Variants in DNAJC1 observed in about 807,000 individuals in gnomAD.
DNAJC1 encodes the protein DnaJ heat shock protein family (Hsp40) member C1, also known as dnaJ homolog subfamily C member 1.
In DNAJC1, 58 loss-of-function variants were observed where a neutral mutation model predicts 76.6. That is an observed-to-expected ratio of 0.76 (90% CI 0.61 to 0.94). DNAJC1 has a LOEUF of 0.94. Among genes scored for constraint, DNAJC1 ranks in the 40% least tolerant of loss-of-function variants. The pLI is 0.00. For synonymous variants in DNAJC1, 258 were observed against 267.9 expected (o/e 0.96, Z 0.36); for missense variants, 689 against 677.3 (o/e 1.02, Z -0.19).
intron 8 of DNAJC1, among the ~76,000 whole-genome samples, chr10:21,821,855 A>G (rs1835164526): frequency 6.6e-6 from 1 of 151,908 alleles, no homozygotes; most frequent in Admixed American, 6.6e-5. Flanking sequence ...AAAAAAAAAA[A>G]ACAACTGAGA....
At chr10:21,972,640 C>T (rs985370018) in intron 1 of DNAJC1, among the ~76,000 whole-genome samples, 4 of 152,022 alleles carry the variant, frequency 2.6e-5, no homozygotes, top group African/African-American at 7.2e-5. Context: ...GTTGTTAAAT[C>T]GGTCCTATAA....
At chr10:21,928,416 A>G in intron 3 of DNAJC1, 90 bp downstream of exon 3, 1 of 1,147,962 alleles carries the variant, frequency 8.7e-7, no homozygotes. Flanking sequence ...ATGCTAACAT[A>G]ATAATAAAAT....
chr10:21,825,502 T>C (rs1301032867), intron 8 of DNAJC1, among the ~76,000 whole-genome samples: 4 of 152,330 alleles, frequency 2.6e-5, no homozygotes, highest in Admixed American at 2.6e-4. Context: ...GCTGTAAGTG[T>C]TATTTGTTTA....
chr10:21,759,560 C>T lies in DNAJC1; in HGVS notation c.1206G>A (p.Thr402=), dbSNP rs538885458. 1.1e-5 allele frequency: 17 copies of T among 1,614,136 alleles called. No individual in the cohort carries two copies. In the East Asian group the frequency reaches 1.1e-4, roughly 11 times the overall value. Residue 402 remains threonine (T), a synonymous_variant, in exon 11 of 12, where the codon ACG becomes ACA. Transcript: ENST00000376980. ...STVQNSRPIK[T]ATTLPDDMIT... is the part of the protein sequence containing the mutation. ...TCATGTCATCGGGCAAGGTGGTGGC[C>T]GTTTTGATGGGCCTGGAATTCTGAA...
chr10:21,855,079 G>A (rs1835813544), intron 8 of DNAJC1, among the ~76,000 whole-genome samples: 1 of 151,916 alleles, frequency 6.6e-6, no homozygotes, highest in African/African-American at 2.4e-5. Context: ...GACTTTTTTT[G>A]TATTGCATTG....
chr10:21,936,495 AAAT>A (rs1368137559), intron 1 of DNAJC1, among the ~76,000 whole-genome samples: 1 of 152,258 alleles, frequency 6.6e-6, no homozygotes, highest in Non-Finnish European at 1.5e-5. Context: ...TGTCATAAAC[AAAT>A]AATATAAATC....
At chr10:21,990,775 G>C (rs1838316228) in intron 1 of DNAJC1, among the ~76,000 whole-genome samples, 1 of 152,158 alleles carries the variant, frequency 6.6e-6, no homozygotes, top group African/African-American at 2.4e-5. Flanking sequence ...GAATGTTTAA[G>C]ATCTTGGACA....
At chr10:21,960,982 A>G (rs1053972299) in intron 1 of DNAJC1, among the ~76,000 whole-genome samples, 3 of 152,218 alleles carry the variant, frequency 2.0e-5, no homozygotes, top group Admixed American at 2.0e-4. Context: ...GTATATGAAA[A>G]TATGCCATCA....
At chr10:21,776,585 A>G (rs1403559910) in intron 9 of DNAJC1, among the ~76,000 whole-genome samples, 1 of 152,060 alleles carries the variant, frequency 6.6e-6, no homozygotes, top group Non-Finnish European at 1.5e-5. Flanking sequence ...TTGAAAAATT[A>G]TTTTTTTCTC....
intron 1 of DNAJC1, among the ~76,000 whole-genome samples, chr10:21,992,038 T>C (rs1436095073): frequency 6.6e-6 from 1 of 152,234 alleles, no homozygotes; most frequent in African/African-American, 2.4e-5. Flanking sequence ...TGGCTGGACA[T>C]GGTGGCTCAC....
chr10:21,894,028 T>C (rs997392131), intron 7 of DNAJC1, among the ~76,000 whole-genome samples: 1 of 152,150 alleles, frequency 6.6e-6, no homozygotes, highest in African/African-American at 2.4e-5. Flanking sequence ...CAACTCTAGA[T>C]ACATGTATTT....
At chr10:21,762,683 C>A (rs961841103) in intron 10 of DNAJC1, among the ~76,000 whole-genome samples, 3 of 152,094 alleles carry the variant, frequency 2.0e-5, no homozygotes, top group African/African-American at 7.2e-5. Flanking sequence ...GATCATAGCT[C>A]ACTGCAGCCT....
chr10:21,931,873 T>A (rs1166875943), intron 1 of DNAJC1, among the ~76,000 whole-genome samples: 2 of 152,206 alleles, frequency 1.3e-5, no homozygotes, highest in African/African-American at 4.8e-5. Flanking sequence ...TATCTTTAAC[T>A]CTTTTCATAT....
At chr10:21,974,100 CAAA>C (rs576578440) in intron 1 of DNAJC1, among the ~76,000 whole-genome samples, 1 of 74,336 alleles carries the variant, frequency 1.3e-5, no homozygotes. Flanking sequence ...AGACCCGTCT[CAAA>C]AAAAAAAAAA....
At chr10:21,797,079 G>C (rs1248984119) in intron 9 of DNAJC1, among the ~76,000 whole-genome samples, 1 of 151,994 alleles carries the variant, frequency 6.6e-6, no homozygotes, top group Non-Finnish European at 1.5e-5. Context: ...TATGGCTTCA[G>C]GTCTTACAGT....
intron 6 of DNAJC1, among the ~76,000 whole-genome samples, chr10:21,916,690 G>A (rs1836961304): frequency 6.6e-6 from 1 of 151,920 alleles, no homozygotes; most frequent in Non-Finnish European, 1.5e-5. Context: ...CATAAATATC[G>A]TATTTAAGAA....
At chr10:21,871,759 T>A (rs1836108125) in intron 8 of DNAJC1, among the ~76,000 whole-genome samples, 1 of 151,796 alleles carries the variant, frequency 6.6e-6, no homozygotes, top group African/African-American at 2.4e-5. Flanking sequence ...ACGCTTCTTG[T>A]GGTTAAGCCT....
At chr10:21,933,738 GTCCCA>G (rs1471119416) in intron 1 of DNAJC1, among the ~76,000 whole-genome samples, 1 of 152,068 alleles carries the variant, frequency 6.6e-6, no homozygotes. Flanking sequence ...TATGATGGTG[GTCCCA>G]TAAGAATACA....
chr10:21,941,603 T>C (rs1029143636), intron 1 of DNAJC1, among the ~76,000 whole-genome samples: 8 of 152,154 alleles, frequency 5.3e-5, no homozygotes, highest in East Asian at 1.9e-4. Context: ...ATGATTAATA[T>C]AGGAATTCAT....
Sources: gnomAD v4.1 joint callset for allele counts (sites outside exome capture counted in the v4.1 genomes callset) on GRCh38, gnomAD v4.1.1 for gene constraint, MANE v1.5 for transcripts, NCBI Gene and HGNC (gene_info 2026-07-23, HGNC 2026-07-21) for gene names.